The following ROBO2 variants were observed in gnomAD, a reference collection of about 807,000 sequenced individuals.
The protein encoded by ROBO2 is roundabout homolog 2.
In ROBO2, 53 loss-of-function variants were observed where a neutral mutation model predicts 160.8. The ratio of observed to expected loss-of-function variants is 0.33; its 90% CI spans 0.26 to 0.41. The LOEUF (loss-of-function observed/expected upper bound fraction) is 0.41, where lower values mean the gene tolerates loss of function less well. ROBO2 is among the 10% of genes least tolerant of loss of function. ROBO2 has a pLI of 1.00. For missense variants in ROBO2, 1,577 were observed against 1,722.4 expected, an observed-to-expected ratio of 0.92 and a Z score of 1.49; for synonymous variants, 664 against 611.7, an observed-to-expected ratio of 1.09 and a Z score of -1.26.
intron 2 of ROBO2, among the ~76,000 whole-genome samples, chr3:77,034,675 G>A (rs1024465970): frequency 2.6e-5 from 4 of 151,874 alleles, no homozygotes; most frequent in Non-Finnish European, 4.4e-5. Flanking sequence ...AAATCCACGG[G>A]TATCTATAGG....
chr3:76,727,314 A>G (rs746600431), intron 2 of ROBO2, among the ~76,000 whole-genome samples: 1 of 152,202 alleles, frequency 6.6e-6, no homozygotes, highest in Non-Finnish European at 1.5e-5. Flanking sequence ...CACAAAATGA[A>G]GAAAATAGAA....
At chr3:77,137,445 C>T (rs1245401114) in intron 2 of ROBO2, among the ~76,000 whole-genome samples, 5 of 151,816 alleles carry the variant, frequency 3.3e-5, no homozygotes, top group African/African-American at 9.7e-5. Flanking sequence ...AGGCTGGTCT[C>T]GAACTCTCAA....
intron 2 of ROBO2, among the ~76,000 whole-genome samples, chr3:76,426,590 C>A (rs1577110032): frequency 6.6e-6 from 1 of 152,090 alleles, no homozygotes; most frequent in African/African-American, 2.4e-5. Context: ...ACATGCAATT[C>A]AAAGAATTTT....
chr3:76,020,139 C>T (rs1009662337), intron 2 of ROBO2, among the ~76,000 whole-genome samples: 1 of 151,856 alleles, frequency 6.6e-6, no homozygotes, highest in African/African-American at 2.4e-5. Context: ...GTTTTCCATT[C>T]TATATGATGC....
chr3:77,199,026 G>A (rs2082575065), intron 2 of ROBO2, among the ~76,000 whole-genome samples: 1 of 152,176 alleles, frequency 6.6e-6, no homozygotes, highest in African/African-American at 2.4e-5. Context: ...AGACTCAAGG[G>A]AGACAAGTGT....
intron 2 of ROBO2, among the ~76,000 whole-genome samples, chr3:76,953,039 A>T (rs2079049337): frequency 5.3e-5 from 8 of 152,144 alleles, no homozygotes; most frequent in Admixed American, 5.2e-4. Context: ...ACTAATCCTG[A>T]TATTTTAACA....
chr3:76,823,803 A>G (rs1182149339), intron 2 of ROBO2, among the ~76,000 whole-genome samples: 1 of 152,198 alleles, frequency 6.6e-6, no homozygotes, highest in Non-Finnish European at 1.5e-5. Context: ...ATATTTTAAC[A>G]TGTATGAGCA....
chr3:76,225,669 G>A (rs192207199), intron 2 of ROBO2, among the ~76,000 whole-genome samples: 6 of 152,066 alleles, frequency 3.9e-5, no homozygotes, highest in African/African-American at 1.2e-4. Flanking sequence ...AGCCAAGATC[G>A]CACCACTGCA....
chr3:77,419,500 G>C (rs901772913), intron 2 of ROBO2, among the ~76,000 whole-genome samples: 3 of 152,066 alleles, frequency 2.0e-5, no homozygotes, highest in Admixed American at 6.6e-5. Context: ...AGGAGAGGTG[G>C]CACATGAGCA....
At chr3:77,446,862 G>A (rs2080582820) in intron 2 of ROBO2, among the ~76,000 whole-genome samples, 1 of 151,998 alleles carries the variant, frequency 6.6e-6, no homozygotes, top group Non-Finnish European at 1.5e-5. Flanking sequence ...TTTCTCTCAT[G>A]GCCCCTAAAT....
chr3:76,704,303 A>G (rs374348104), intron 2 of ROBO2, among the ~76,000 whole-genome samples: 1 of 152,172 alleles, frequency 6.6e-6, no homozygotes, highest in East Asian at 1.9e-4. Context: ...TCAAAACTCC[A>G]TCTTTGTTTA....
intron 4 of ROBO2, among the ~76,000 whole-genome samples, chr3:77,491,857 G>A (rs898374414): frequency 6.6e-6 from 1 of 152,062 alleles, no homozygotes; most frequent in Non-Finnish European, 1.5e-5. Flanking sequence ...ATTCTCTGGA[G>A]ATATACAATA....
chr3:76,535,387 G>T (rs2082440283), intron 2 of ROBO2, among the ~76,000 whole-genome samples: 1 of 152,096 alleles, frequency 6.6e-6, no homozygotes, highest in Non-Finnish European at 1.5e-5. Flanking sequence ...CCTGCTGTGG[G>T]ATGTGATACT....
intron 2 of ROBO2, among the ~76,000 whole-genome samples, chr3:76,751,845 G>A (rs924227654): frequency 1.3e-5 from 2 of 152,142 alleles, no homozygotes; most frequent in Non-Finnish European, 2.9e-5. Flanking sequence ...CTGTTGGCGG[G>A]ACTGTAAACT....
intron 2 of ROBO2, among the ~76,000 whole-genome samples, chr3:77,146,754 A>T (rs562788995): frequency 7.2e-5 from 11 of 152,094 alleles, no homozygotes; most frequent in African/African-American, 2.4e-4. Context: ...GATCACTGAG[A>T]TGAGGAGTTC....
chr3:76,822,258 A>T (rs1258096857), intron 2 of ROBO2, among the ~76,000 whole-genome samples: 2 of 151,982 alleles, frequency 1.3e-5, no homozygotes, highest in African/African-American at 2.4e-5. Flanking sequence ...GGCAATGCCT[A>T]CTTAGTTTAT....
chr3:77,164,496 GCCCCCCGCCCGGC>G (rs2078799535), intron 2 of ROBO2, among the ~76,000 whole-genome samples: 2 of 137,798 alleles, frequency 1.5e-5, no homozygotes, highest in African/African-American at 5.3e-5. Context: ...GGGGGGGTCA[GCCCCCCGCCCGGC>G]CAGCCGTGCT....
At chr3:76,607,406 A>G (rs1256116923) in intron 2 of ROBO2, among the ~76,000 whole-genome samples, 1 of 152,188 alleles carries the variant, frequency 6.6e-6, no homozygotes, top group Non-Finnish European at 1.5e-5. Flanking sequence ...TTTCCCCAAT[A>G]TTTTGATTAG....
chr3:76,643,219 G>C (rs1187128094), intron 2 of ROBO2, among the ~76,000 whole-genome samples: 1 of 152,092 alleles, frequency 6.6e-6, no homozygotes, highest in Non-Finnish European at 1.5e-5. Flanking sequence ...GTTGTCTTCT[G>C]TTCAATGTAT....
Sources: allele counts gnomAD v4.1 joint callset (sites outside exome capture counted in the v4.1 genomes callset), GRCh38; gene constraint gnomAD v4.1.1; transcripts MANE v1.5; gene names NCBI Gene and HGNC (gene_info 2026-07-23, HGNC 2026-07-21).